Variants in PFKP observed in about 807,000 individuals in gnomAD.
The protein encoded by PFKP is ATP-dependent 6-phosphofructokinase, platelet type.
Under a neutral mutation model 94.3 loss-of-function variants are expected in PFKP, and 101 were observed. The ratio of observed to expected loss-of-function variants is 1.07; its 90% CI spans 0.91 to 1.26. The LOEUF (loss-of-function observed/expected upper bound fraction) is 1.26, where lower values mean the gene tolerates loss of function less well. Among genes scored for constraint, PFKP ranks in the 50% most tolerant of loss-of-function variants. The pLI, the probability that PFKP is intolerant of heterozygous loss-of-function variation, is 0.00. For missense variants in PFKP, 1,145 were observed against 1,103.3 expected (o/e 1.04, Z -0.53); for synonymous variants, 573 against 432.6 (o/e 1.32, Z -4.03).
At chr10:3,087,996 T>C (rs1021225278) in intron 2 of PFKP, among the ~76,000 whole-genome samples, 19 of 150,354 alleles carry the variant, frequency 1.3e-4, no homozygotes, top group South Asian at 1.3e-3. Context: ...TTTTTTTTTT[T>C]TTTTTTTTTT....
At chr10:3,069,100 C>T in intron 1 of PFKP, 1 of 350,748 alleles carries the variant, frequency 2.9e-6, no homozygotes. Flanking sequence ...GACACCCGTG[C>T]GCCGCGCGCT....
chr10:3,100,369 G>A (rs1274475233), intron 3 of PFKP, among the ~76,000 whole-genome samples: 1 of 152,166 alleles, frequency 6.6e-6, no homozygotes, highest in African/African-American at 2.4e-5. Flanking sequence ...GGATCGTGTG[G>A]AGTGAATTTC....
At chr10:3,105,746 G>A (rs1202467174) in intron 7 of PFKP, among the ~76,000 whole-genome samples, 5 of 152,178 alleles carry the variant, frequency 3.3e-5, no homozygotes, top group African/African-American at 4.8e-5. Context: ...TGGTTAGAAT[G>A]CCCCATGCGT....
intron 16 of PFKP, among the ~76,000 whole-genome samples, chr10:3,121,382 C>CACTGCTCTTTCGCTAGCT (rs1837385574): frequency 6.6e-6 from 1 of 152,192 alleles, no homozygotes; most frequent in Non-Finnish European, 1.5e-5. Flanking sequence ...TCATTGCTTT[C>CACTGCTCTTTCGCTAGCT]ACTGCTCTTT....
At position 3,135,599 on chromosome 10, in the gene PFKP, TCTCAGTCTCACTGGGC is replaced by T; in HGVS notation, c.2123-136_2123-121del. On this transcript the variant is annotated intron_variant, in intron 20 of 21. Coordinates refer to ENST00000381125, the MANE Select transcript of PFKP (RefSeq NM_002627.5). ...GGTGCTGGCCCCACTGCGCGGCTGT[TCTCAGTCTCACTGGGC>T]TTCCAGGCCGGGTTCAGCATGGTTC... 7 of 605,000 alleles carry T rather than the reference TCTCAGTCTCACTGGGC, an allele frequency of 1.2e-5. No homozygotes were observed. In the South Asian group the frequency reaches 1.2e-4, roughly 11 times the overall value. The allele number at this position is 605,000 out of a possible 1,614,324, so 37.5% of individuals were successfully genotyped here.
At chr10:3,120,309 C>T (rs574543355) in intron 16 of PFKP, among the ~76,000 whole-genome samples, 5 of 152,058 alleles carry the variant, frequency 3.3e-5, no homozygotes, top group African/African-American at 1.2e-4. Context: ...CCGTGAGCAC[C>T]CGAGGCGCTG....
Position 3,134,504 on chromosome 10 carries a change from G to A in PFKP, c.2044G>A (p.Asp682Asn). The change falls in exon 20 of 22, where the codon GAT (aspartate) becomes AAT (asparagine). Residue 682 changes from aspartate to asparagine, a missense_variant. Asp to Asn is a conservative substitution (Grantham distance 23). Around this residue, in one of 3 missense-constraint regions of PFKP, gnomAD observed 1,119 missense variants for 1,062.8 expected, o/e 1.05. Transcript: ENST00000381125. The part of the protein sequence containing the change: ...MQQGGAPSPF[D>N]RNFGTKISAR... ...ACAGGGTGGGGCACCCTCTCCATTT[G>A]ATAGAAACTTTGGAACCAAAATCTC... 2 of 1,613,452 alleles carry A rather than the reference G, an allele frequency of 1.2e-6. No homozygotes were observed.
At position 3,118,826 on chromosome 10, in the gene PFKP, G is replaced by A. The variant is rs1485779617; in HGVS notation, c.1487G>A (p.Arg496His). 7 of 1,613,662 alleles carry A rather than the reference G, an allele frequency of 4.3e-6. No homozygotes were observed. In the East Asian group the frequency reaches 6.7e-5, roughly 15 times the overall value. The change falls in exon 15 of 22, where the codon CGC becomes CAC. Residue 496 changes from arginine (R) to histidine (H), a missense_variant. This residue lies in a region of PFKP where 1,119 missense variants were observed against 1,062.8 expected (regional missense o/e 1.05). Transcript: ENST00000381125. ...TTGGAAGAGATCGCCACACAGATGC[G>A]CACGCACAGCATCAACGCGCTGCTG... Reference protein sequence around the residue: ...KYLEEIATQMRTHSINALLII... With the variant: ...KYLEEIATQMHTHSINALLII...
intron 3 of PFKP, among the ~76,000 whole-genome samples, chr10:3,100,733 C>G (rs932626951): frequency 6.6e-6 from 1 of 152,064 alleles, no homozygotes; most frequent in African/African-American, 2.4e-5. Flanking sequence ...TTGTGGATCC[C>G]ACCAACAATT....
chr10:3,113,564 A>T, intron 13 of PFKP, 46 bp downstream of exon 13: 1 of 1,579,976 alleles, frequency 6.3e-7, no homozygotes, highest in Non-Finnish European at 8.6e-7. Flanking sequence ...CCTGGCTGTG[A>T]GCACAGTGGA....
chr10:3,104,406 C>A (rs187677015), intron 5 of PFKP, among the ~76,000 whole-genome samples: 47 of 152,266 alleles, frequency 3.1e-4, no homozygotes, highest in African/African-American at 1.1e-3. Flanking sequence ...TGGGGCGCAC[C>A]GTACAATTTC....
At chr10:3,116,924 T>A in intron 14 of PFKP, 78 bp downstream of exon 14, 2 of 1,128,874 alleles carry the variant, frequency 1.8e-6, no homozygotes, top group East Asian at 2.3e-5. Flanking sequence ...AATCGCTGGG[T>A]GCCGACGCCA....
chr10:3,082,309 C>G, intron 1 of PFKP, 79 bp from the exon 2 acceptor site: 1 of 1,024,506 alleles, frequency 9.8e-7, no homozygotes, highest in South Asian at 1.6e-5. Context: ...GGAAACGGAC[C>G]CATGGTCATG....
rs560223640 is a variant in PFKP at position 3,067,632 on chromosome 10, T to C, written c.37T>C (p.Leu13=). ...CGACTCCCGGGCCCCCAAGGGCTCC[T>C]TGCGGAAGTTCCTGGAGCACCTCTC... is the stretch of plus-strand genomic sequence containing the variant. The part of the protein sequence containing the change: ...ADDSRAPKGS[L]RKFLEHLSGA... The change falls in exon 1 of 22, where the codon TTG becomes CTG. Residue 13 remains leucine (L), a synonymous_variant. Transcript: ENST00000381125. 4.6e-5 allele frequency: 70 copies of C among 1,534,936 alleles called. 1 individual carries two copies. The highest frequency in any genetic ancestry group is 3.4e-4 in the African/African-American group (24 of 71,182).
intron 14 of PFKP, among the ~76,000 whole-genome samples, chr10:3,117,859 A>C (rs1244451809): frequency 6.6e-6 from 1 of 152,188 alleles, no homozygotes; most frequent in Non-Finnish European, 1.5e-5. Context: ...ACCTCACCTT[A>C]GGGGCCAGCA....
At chr10:3,119,048 T>TG (rs1588525594) in intron 15 of PFKP, among the ~76,000 whole-genome samples, 179 bp downstream of exon 15, 1 of 152,074 alleles carries the variant, frequency 6.6e-6, no homozygotes, top group East Asian at 1.9e-4. Flanking sequence ...GGCCTACGAG[T>TG]GGCCCAGTTC....
chr10:3,078,968 C>T (rs1832809573), intron 1 of PFKP, among the ~76,000 whole-genome samples: 1 of 152,176 alleles, frequency 6.6e-6, no homozygotes, highest in African/African-American at 2.4e-5. Flanking sequence ...GTGTGGTGCC[C>T]CCATCACCTG....
At chr10:3,079,250 T>TC (rs398012665) in intron 1 of PFKP, among the ~76,000 whole-genome samples, 1 of 151,360 alleles carries the variant, frequency 6.6e-6, no homozygotes, top group African/African-American at 2.4e-5. Flanking sequence ...GCTTTTTTTT[T>TC]CTGAGACAGA....
chr10:3,108,469 G>C (rs1835850193), intron 8 of PFKP, among the ~76,000 whole-genome samples: 2 of 151,948 alleles, frequency 1.3e-5, no homozygotes, highest in South Asian at 4.2e-4. Context: ...CATTTTCTAG[G>C]TGCGAGCCAA....
Sources: allele counts gnomAD v4.1 joint callset (sites outside exome capture counted in the v4.1 genomes callset), GRCh38; gene constraint gnomAD v4.1.1; regional missense constraint gnomAD v4.1.1; transcripts MANE v1.5; gene names NCBI Gene and HGNC (gene_info 2026-07-23, HGNC 2026-07-21).